SMYD3: variants seen among roughly 807,000 people sequenced by gnomAD.
SMYD3 encodes histone-lysine N-methyltransferase SMYD3.
A neutral mutation model predicts 57.7 loss-of-function variants in SMYD3; 36 were observed. The observed-to-expected ratio is 0.62, with a 90% confidence interval of 0.48 to 0.82. The LOEUF (loss-of-function observed/expected upper bound fraction) is 0.82, where lower values mean the gene tolerates loss of function less well. Ranked by LOEUF, SMYD3 falls within the 40% of genes least tolerant of loss-of-function variation. SMYD3 has a pLI of 0.00. For missense variants in SMYD3, 515 were observed against 538.8 expected (o/e 0.96, Z 0.44); for synonymous variants, 211 against 195.0 (o/e 1.08, Z -0.68).
chr1:246,379,413 T>C (rs1216092315), intron 1 of SMYD3, among the ~76,000 whole-genome samples: 2 of 152,180 alleles, frequency 1.3e-5, no homozygotes, highest in Non-Finnish European at 2.9e-5. Context: ...TTAGAACTAA[T>C]AGATTAAACA....
chr1:246,222,306 A>G (rs12142601), intron 5 of SMYD3, among the ~76,000 whole-genome samples: 27,017 of 152,152 alleles, frequency 0.18, 2,783 homozygotes, highest in East Asian at 0.34. Flanking sequence ...TAAGAAATAG[A>G]TATTACAGGT....
chr1:246,230,714 T>A (rs143394175), intron 5 of SMYD3, among the ~76,000 whole-genome samples: 1 of 152,250 alleles, frequency 6.6e-6, no homozygotes, highest in Non-Finnish European at 1.5e-5. Context: ...AACTGTCCTA[T>A]AGAACTTTCT....
chr1:245,995,532 T>C (rs185639735), intron 5 of SMYD3, among the ~76,000 whole-genome samples: 1 of 152,344 alleles, frequency 6.6e-6, no homozygotes, highest in Non-Finnish European at 1.5e-5. Context: ...TTTCAAGATA[T>C]CAATTTGTGC....
intron 5 of SMYD3, among the ~76,000 whole-genome samples, chr1:246,050,873 C>T (rs1276928931): frequency 6.6e-6 from 1 of 152,028 alleles, no homozygotes; most frequent in East Asian, 1.9e-4. Flanking sequence ...TTAATATTGT[C>T]CCTTACTGAA....
intron 5 of SMYD3, among the ~76,000 whole-genome samples, chr1:246,112,717 T>C (rs1365476684): frequency 1.3e-5 from 2 of 152,206 alleles, no homozygotes; most frequent in Admixed American, 6.5e-5. Context: ...AAAAATAGGC[T>C]ACACTAATGT....
intron 1 of SMYD3, among the ~76,000 whole-genome samples, chr1:246,401,439 T>C (rs1572464435): frequency 6.6e-6 from 1 of 152,030 alleles, no homozygotes; most frequent in Admixed American, 6.6e-5. Context: ...ATTTAAGATA[T>C]CCTCCTGCCT....
At chr1:245,909,155 G>A (rs543719790) in intron 8 of SMYD3, among the ~76,000 whole-genome samples, 2 of 152,250 alleles carry the variant, frequency 1.3e-5, no homozygotes, top group South Asian at 4.1e-4. Context: ...TTCAAAGCAT[G>A]ATTAGAGACT....
At chr1:245,800,765 T>C (rs1290383501) in intron 10 of SMYD3, among the ~76,000 whole-genome samples, 1 of 152,180 alleles carries the variant, frequency 6.6e-6, no homozygotes, top group Non-Finnish European at 1.5e-5. Flanking sequence ...CATGGGAGAA[T>C]GAGAGACATC....
intron 5 of SMYD3, among the ~76,000 whole-genome samples, chr1:246,058,304 AG>A (rs1163627177): frequency 1.1e-4 from 16 of 152,082 alleles, no homozygotes; most frequent in Non-Finnish European, 4.4e-5. Context: ...AGAATGAGGG[AG>A]GCTGTGTGTT....
intron 1 of SMYD3, among the ~76,000 whole-genome samples, chr1:246,378,770 T>TA (rs2066330132): frequency 8.3e-6 from 1 of 120,640 alleles, no homozygotes; most frequent in Admixed American, 1.1e-4. Flanking sequence ...ATATATTATA[T>TA]ATAATTTAAT....
chr1:246,371,696 C>T (rs777918846), intron 1 of SMYD3, among the ~76,000 whole-genome samples: 1 of 152,166 alleles, frequency 6.6e-6, no homozygotes, highest in African/African-American at 2.4e-5. Flanking sequence ...AACAGATGCC[C>T]ACCTTGAGTT....
At chr1:246,072,427 C>T (rs925020124) in intron 5 of SMYD3, among the ~76,000 whole-genome samples, 1 of 152,206 alleles carries the variant, frequency 6.6e-6, no homozygotes, top group Non-Finnish European at 1.5e-5. Flanking sequence ...GGGAGGGATT[C>T]GTGTGCTTTC....
chr1:245,897,576 G>A (rs2053904555), intron 8 of SMYD3, among the ~76,000 whole-genome samples: 2 of 152,036 alleles, frequency 1.3e-5, no homozygotes, highest in South Asian at 2.1e-4. Context: ...AATTTTTCAC[G>A]CTTCTAGTTA....
At chr1:246,324,626 G>A (rs926473023) in intron 5 of SMYD3, among the ~76,000 whole-genome samples, 1 of 151,700 alleles carries the variant, frequency 6.6e-6, no homozygotes, top group African/African-American at 2.4e-5. Flanking sequence ...GTCAGTCAGG[G>A]ATAGTTGCAT....
At chr1:246,356,852 A>G (rs913627792) in intron 1 of SMYD3, among the ~76,000 whole-genome samples, 1 of 152,218 alleles carries the variant, frequency 6.6e-6, no homozygotes, top group African/African-American at 2.4e-5. Flanking sequence ...AAAGAAATCT[A>G]AAAGTTTGGA....
chr1:245,764,387 C>G (rs1055770882), intron 10 of SMYD3, among the ~76,000 whole-genome samples: 2 of 151,552 alleles, frequency 1.3e-5, no homozygotes, highest in Non-Finnish European at 2.9e-5. Context: ...ACTAGAAGGT[C>G]TCCCTCATAA....
intron 5 of SMYD3, among the ~76,000 whole-genome samples, chr1:246,000,595 G>T (rs944410339): frequency 1.3e-4 from 20 of 152,118 alleles, no homozygotes; most frequent in African/African-American, 4.8e-4. Flanking sequence ...ACTTCTCTCT[G>T]TTTCCCCCTC....
At chr1:245,805,843 T>C (rs1007638865) in intron 10 of SMYD3, among the ~76,000 whole-genome samples, 1 of 152,230 alleles carries the variant, frequency 6.6e-6, no homozygotes, top group African/African-American at 2.4e-5. Context: ...GCCTTCAGAA[T>C]CCAGGCTTGG....
chr1:245,929,335 G>C (rs1225725606), intron 6 of SMYD3, among the ~76,000 whole-genome samples: 1 of 152,252 alleles, frequency 6.6e-6, no homozygotes, highest in Non-Finnish European at 1.5e-5. Flanking sequence ...AAATGAAACT[G>C]GGTGTGCCTA....
Sources: allele counts gnomAD v4.1 joint callset (sites outside exome capture counted in the v4.1 genomes callset), GRCh38; gene constraint gnomAD v4.1.1; transcripts MANE v1.5; gene names NCBI Gene and HGNC (gene_info 2026-07-23, HGNC 2026-07-21).